Variants in TSPYL1 observed in about 807,000 individuals in gnomAD.
TSPYL1 encodes testis-specific Y-encoded-like protein 1.
In TSPYL1, 16 loss-of-function variants were observed where a neutral mutation model predicts 20.1. That is an observed-to-expected ratio of 0.80 (90% CI 0.54 to 1.21). TSPYL1 has a LOEUF of 1.21. Ranked by LOEUF, TSPYL1 falls within the 50% of genes most tolerant of loss-of-function variation. The pLI, the probability that TSPYL1 is intolerant of heterozygous loss-of-function variation, is 0.00. For synonymous variants in TSPYL1, 259 were observed against 227.1 expected, an observed-to-expected ratio of 1.14 and a Z score of -1.26; for missense variants, 560 against 569.3, an observed-to-expected ratio of 0.98 and a Z score of 0.17.
rs1421177678 is a variant in TSPYL1 at position 116,277,689 on chromosome 6, G to C, written c.*828C>G. On this transcript the variant is annotated 3_prime_UTR_variant, in exon 1 of 1. Transcript: ENST00000368608. ...GGAGGCTAAGGAGGGCGGATCACGAGATCGGGGTTCGAGACCAGCCTGGCC... is the reference window on the plus strand; with the variant it reads ...GGAGGCTAAGGAGGGCGGATCACGACATCGGGGTTCGAGACCAGCCTGGCC... The C allele has an allele frequency of 6.6e-6, 1 of 152,114 alleles. No individual in the cohort carries two copies. Among genetic ancestry groups the C allele is most frequent in the Non-Finnish European group, 1.5e-5 (1 of 68,048 alleles). 9.4% of individuals were successfully genotyped at this position (152,114 alleles called of 1,614,324 possible).
In TSPYL1 at chr6:116,278,249, C is replaced by T; in HGVS notation, c.*268G>A. The T allele has an allele frequency of 2.2e-6, 1 of 458,900 alleles. No homozygotes were observed. The highest frequency in any genetic ancestry group is 2.0e-5 in the African/African-American group (1 of 50,628). 28.4% of individuals were successfully genotyped at this position (458,900 alleles called of 1,614,324 possible). A position where few individuals can be genotyped will look rare whatever the true frequency, so the allele number is the denominator to read the frequency against. On this transcript the variant is annotated 3_prime_UTR_variant, in exon 1 of 1. Transcript: ENST00000368608. ...ATAAAGGCAGTACAATCTACAGTAT[C>T]ATTTGCTTGGCTTACAAGTAGTGTG...
chr6:116,279,030 C>T lies in TSPYL1; in HGVS notation c.801G>A (p.Arg267=). Residue 267 remains arginine, a synonymous_variant, in exon 1 of 1, where the codon CGG becomes CGA. Transcript: ENST00000368608. The stretch of plus-strand genomic sequence containing the variant: ...GGATATTCTGAATGATGTAGTTCCT[C>T]CGCTCCAGGTAGTGTCGACGCATCC... ...FGRMRRHYLE[R]RNYIIQNIPG... 6.2e-7 allele frequency: 1 copy of T among 1,613,906 alleles called. No individual in the cohort carries two copies. The highest frequency in any genetic ancestry group is 2.2e-5 in the East Asian group (1 of 44,872).
rs1205561412 is a variant in TSPYL1, at chr6:116,279,149, G to A, written c.682C>T (p.Arg228Cys). The A allele has an allele frequency of 6.2e-7, 1 of 1,613,942 alleles. No individual in the cohort carries two copies. The highest frequency in any genetic ancestry group is 2.2e-5 in the East Asian group (1 of 44,876). ...EGPWPLHEAL[R>C]MDPLEAIQLE... ...TGGATGGCCTCCAGAGGGTCCATGC[G>A]GAGAGCCTCATGCAAAGGCCAGGGC... The change falls in exon 1 of 1, where the codon CGC (arginine) becomes TGC (cysteine). Residue 228 changes from arginine (R) to cysteine (C), a missense_variant. Arg to Cys is a radical substitution (Grantham distance 180). Coordinates refer to ENST00000368608, the MANE Select transcript of TSPYL1 (RefSeq NM_003309.4).
chr6:116,278,396 G>A lies in TSPYL1; in HGVS notation c.*121C>T. The A allele has an allele frequency of 1.6e-6, 2 of 1,284,294 alleles. No homozygotes were observed. Among genetic ancestry groups the A allele is most frequent in the South Asian group, 2.5e-5 (2 of 79,702 alleles). 79.6% of individuals were successfully genotyped at this position (1,284,294 alleles called of 1,614,324 possible). A position where few individuals can be genotyped will look rare whatever the true frequency, so the allele number is the denominator to read the frequency against. The stretch of plus-strand genomic sequence containing the variant: ...AGAACTGAATATCCAAAGGAAACAG[G>A]GTGCAGAAAAGTCAGCAAAAACAAA... On this transcript the variant is annotated 3_prime_UTR_variant, in exon 1 of 1. Transcript: ENST00000368608.
rs1344528416 is a variant in TSPYL1 at position 116,279,190 on chromosome 6, G to GCCT, written c.638_640dup (p.Glu213dup). 1 of 1,611,074 alleles carries GCCT rather than the reference G, an allele frequency of 6.2e-7. No individual in the cohort carries two copies. The highest frequency in any genetic ancestry group is 1.1e-5 in the South Asian group (1 of 91,012). The stretch of plus-strand genomic sequence containing the variant: ...AGGCCAGGGCCCTTCTTCCTCCCTC[G>GCCT]CCTCCTCCTCCAATCTATCCTCCTC... On this transcript the variant is annotated inframe_insertion, in exon 1 of 1. Coordinates refer to ENST00000368608, the MANE Select transcript of TSPYL1 (RefSeq NM_003309.4).
At position 116,279,845 on chromosome 6, in the gene TSPYL1, G is replaced by A. The variant is rs762004086; in HGVS notation, c.-15C>T. On this transcript the variant is annotated 5_prime_UTR_variant, in exon 1 of 1. Transcript: ENST00000368608. ...AGGCCGCTCATGTTGCTAACAGTCG[G>A]ACCAACCGCAGGCGAACGCCCGTTT... 68 of 1,613,012 alleles carry A rather than the reference G, an allele frequency of 4.2e-5. No individual in the cohort carries two copies. The highest frequency in any genetic ancestry group is 3.3e-4 in the Middle Eastern group (2 of 6,062).
At position 116,278,287 on chromosome 6, in the gene TSPYL1, G is replaced by T; in HGVS notation, c.*230C>A. 1.8e-6 allele frequency: 1 copy of T among 554,844 alleles called. No individual in the cohort carries two copies. The highest frequency in any genetic ancestry group is 3.2e-6 in the Non-Finnish European group (1 of 308,534). 34.4% of individuals were successfully genotyped at this position (554,844 alleles called of 1,614,324 possible). A position where few individuals can be genotyped will look rare whatever the true frequency, so the allele number is the denominator to read the frequency against. On this transcript the variant is annotated 3_prime_UTR_variant, in exon 1 of 1. Coordinates refer to ENST00000368608, the MANE Select transcript of TSPYL1 (RefSeq NM_003309.4). ...TACAAGTAGTGTGAAGGATGACCTCGTAGCATGTGATATTCCAGAACAGCA... is the reference window on the plus strand; with the variant it reads ...TACAAGTAGTGTGAAGGATGACCTCTTAGCATGTGATATTCCAGAACAGCA...
Position 116,277,408 on chromosome 6 carries a change from G to A in TSPYL1, c.*1109C>T, listed in dbSNP as rs992131426. 1 of 152,652 alleles carries A rather than the reference G, an allele frequency of 6.6e-6. No individual in the cohort carries two copies. The highest frequency in any genetic ancestry group is 1.5e-5 in the Non-Finnish European group (1 of 68,078). The allele number at this position is 152,652 out of a possible 1,614,324, so 9.5% of individuals were successfully genotyped here. A position where few individuals can be genotyped will look rare whatever the true frequency, so the allele number is the denominator to read the frequency against. ...TAGGCCCAATTTTTACCTGGCCCAT[G>A]CCTCTAGCCTTTTGTTCAGTTTCTC... On this transcript the variant is annotated 3_prime_UTR_variant, in exon 1 of 1. Coordinates refer to ENST00000368608, the MANE Select transcript of TSPYL1 (RefSeq NM_003309.4).
rs1562198212 is a variant in TSPYL1 at position 116,279,255 on chromosome 6, T to C, written c.576A>G (p.Val192=). 10 of 1,607,984 alleles carry C rather than the reference T, an allele frequency of 6.2e-6. No individual in the cohort carries two copies. The highest frequency in any genetic ancestry group is 1.3e-5 in the African/African-American group (1 of 74,684). ...EKEVMEEQME[V]EEQPPEGEEI... ...CTTCACCTTCTGGCGGCTGCTCCTC[T>C]ACCTCCATCTGCTCCTCCATTACCT... is the stretch of plus-strand genomic sequence containing the variant. Residue 192 remains valine, a synonymous_variant, in exon 1 of 1, where the codon GTA becomes GTG. Coordinates refer to ENST00000368608, the MANE Select transcript of TSPYL1 (RefSeq NM_003309.4).
chr6:116,279,913 C>A lies in TSPYL1; in HGVS notation c.-83G>T. 6.3e-7 allele frequency: 1 copy of A among 1,579,914 alleles called. No individual in the cohort carries two copies. The highest frequency in any genetic ancestry group is 8.7e-7 in the Non-Finnish European group (1 of 1,150,338). ...GGGAGCTAACCGCCGCTCGCACCGC[C>A]CACCCTACAGTCTCACTAACATTTC... is the stretch of plus-strand genomic sequence containing the variant. On this transcript the variant is annotated 5_prime_UTR_variant, in exon 1 of 1. Transcript: ENST00000368608.
In TSPYL1 at chr6:116,278,126, C is replaced by A; in HGVS notation, c.*391G>T. On this transcript the variant is annotated 3_prime_UTR_variant, in exon 1 of 1. Transcript: ENST00000368608. ...GGGCATGTGCCCATACTGCTCAATG[C>A]AGAGCTGAGTAGGTGGAACAGGCTC... 3.4e-6 allele frequency: 1 copy of A among 294,732 alleles called. No individual in the cohort carries two copies. Among genetic ancestry groups the A allele is most frequent in the Non-Finnish European group, 6.7e-6 (1 of 149,214 alleles). 18.3% of individuals were successfully genotyped at this position (294,732 alleles called of 1,614,324 possible). A position where few individuals can be genotyped will look rare whatever the true frequency, so the allele number is the denominator to read the frequency against.
rs758399636 is a variant in TSPYL1 at position 116,279,212 on chromosome 6, C to T, written c.619G>A (p.Glu207Lys). ...PEGEEIEVAEEDRLEEEAREE... is the reference protein window; with the variant it reads ...PEGEEIEVAEKDRLEEEAREE... ...CTCGCCTCCTCCTCCAATCTATCCT[C>T]CTCCGCCACTTCTATTTCTTCACCT... The change falls in exon 1 of 1, where the codon GAG (glutamate) becomes AAG (lysine). Residue 207 changes from glutamate to lysine, a missense_variant. Coordinates refer to ENST00000368608, the MANE Select transcript of TSPYL1 (RefSeq NM_003309.4). 3.7e-6 allele frequency: 6 copies of T among 1,610,096 alleles called. No homozygotes were observed. The Admixed American group carries it at 5.0e-5, about 13-fold the overall frequency.
Position 116,278,432 on chromosome 6 carries a change from A to G in TSPYL1, c.*85T>C. On this transcript the variant is annotated 3_prime_UTR_variant, in exon 1 of 1. Coordinates refer to ENST00000368608, the MANE Select transcript of TSPYL1 (RefSeq NM_003309.4). ...GTCAGCAAAAACAAAGCACAATAGA[A>G]GGCATACTCATTGCTGATGCCCAAG... is the stretch of plus-strand genomic sequence containing the variant. 1 of 1,571,034 alleles carries G rather than the reference A, an allele frequency of 6.4e-7. No individual in the cohort carries two copies. Among genetic ancestry groups the G allele is most frequent in the Non-Finnish European group, 8.7e-7 (1 of 1,143,720 alleles).
At position 116,275,435 on chromosome 6, in the gene TSPYL1, G is replaced by T. The variant is rs534722550; in HGVS notation, c.*3082C>A. ...GCTCATTAAATCTTTCTGAGAACTA[G>T]GTTATTTTGTTCTTTTTCCTCCATC... On this transcript the variant is annotated 3_prime_UTR_variant, in exon 1 of 1. Coordinates refer to ENST00000368608, the MANE Select transcript of TSPYL1 (RefSeq NM_003309.4). Among the ~76,000 whole-genome samples the T allele has an allele frequency of 6.6e-6, 1 of 152,300 alleles. No homozygotes were observed. Among genetic ancestry groups the T allele is most frequent in the African/African-American group, 2.4e-5 (1 of 41,560 alleles).
rs1199348152 is a variant in TSPYL1 at position 116,279,150 on chromosome 6, G to C, written c.681C>G (p.Leu227=). The change falls in exon 1 of 1, where the codon CTC becomes CTG. Residue 227 remains leucine, a synonymous_variant. Coordinates refer to ENST00000368608, the MANE Select transcript of TSPYL1 (RefSeq NM_003309.4). Reference sequence around the variant, plus strand: ...GGATGGCCTCCAGAGGGTCCATGCGGAGAGCCTCATGCAAAGGCCAGGGCC... The same window carrying C: ...GGATGGCCTCCAGAGGGTCCATGCGCAGAGCCTCATGCAAAGGCCAGGGCC... ...EEGPWPLHEA[L]RMDPLEAIQL... 6.2e-7 allele frequency: 1 copy of C among 1,613,804 alleles called. No individual in the cohort carries two copies. Among genetic ancestry groups the C allele is most frequent in the Non-Finnish European group, 8.5e-7 (1 of 1,180,018 alleles).
chr6:116,279,735 C>G lies in TSPYL1; in HGVS notation c.96G>C (p.Gln32His). The G allele has an allele frequency of 6.2e-7, 1 of 1,611,874 alleles. No individual in the cohort carries two copies. Among genetic ancestry groups the G allele is most frequent in the Non-Finnish European group, 8.5e-7 (1 of 1,180,022 alleles). The change falls in exon 1 of 1, where the codon CAG (glutamine) becomes CAC (histidine). Residue 32 changes from glutamine to histidine, a missense_variant. Physicochemically the swap from Gln to His is conservative, Grantham distance 24. Transcript: ENST00000368608. ...DQVPSDQDAHQYLRLRDQSEA... is the reference protein window; with the variant it reads ...DQVPSDQDAHHYLRLRDQSEA... Reference sequence around the variant, plus strand: ...CGCTTTGGTCGCGGAGCCTCAGGTACTGGTGTGCGTCCTGGTCGCTCGGGA... The same window carrying G: ...CGCTTTGGTCGCGGAGCCTCAGGTAGTGGTGTGCGTCCTGGTCGCTCGGGA...
Position 116,279,906 on chromosome 6 carries a change from G to T in TSPYL1, c.-76C>A. On this transcript the variant is annotated 5_prime_UTR_variant, in exon 1 of 1. Transcript: ENST00000368608. ...CCGAACTGGGAGCTAACCGCCGCTCGCACCGCCCACCCTACAGTCTCACTA... is the reference window on the plus strand; with the variant it reads ...CCGAACTGGGAGCTAACCGCCGCTCTCACCGCCCACCCTACAGTCTCACTA... 2 of 1,588,670 alleles carry T rather than the reference G, an allele frequency of 1.3e-6. No individual in the cohort carries two copies. The highest frequency in any genetic ancestry group is 1.1e-5 in the South Asian group (1 of 90,256).
In TSPYL1 at chr6:116,279,184, T is replaced by G. The variant is rs753490319; in HGVS notation, c.647A>C (p.Glu216Ala). Residue 216 changes from glutamate (E) to alanine (A), a missense_variant, in exon 1 of 1, where the codon GAG (glutamate) becomes GCG (alanine). Coordinates refer to ENST00000368608, the MANE Select transcript of TSPYL1 (RefSeq NM_003309.4). ...EEDRLEEEAR[E>A]EEGPWPLHEA... ...ATGCAAAGGCCAGGGCCCTTCTTCC[T>G]CCCTCGCCTCCTCCTCCAATCTATC... 40 of 1,611,874 alleles carry G rather than the reference T, an allele frequency of 2.5e-5. No homozygotes were observed. In the South Asian group the frequency reaches 4.3e-4, roughly 17 times the overall value.
chr6:116,278,946 G>T lies in TSPYL1; in HGVS notation c.885C>A (p.Gly295=). The T allele has an allele frequency of 6.2e-7, 1 of 1,614,010 alleles. No homozygotes were observed. Among genetic ancestry groups the T allele is most frequent in the Non-Finnish European group, 8.5e-7 (1 of 1,179,990 alleles). The change falls in exon 1 of 1, where the codon GGC becomes GGA. Residue 295 remains glycine, a synonymous_variant. Coordinates refer to ENST00000368608, the MANE Select transcript of TSPYL1 (RefSeq NM_003309.4). The stretch of plus-strand genomic sequence containing the variant: ...TGTACCTTAACATCTCTGCATCTTG[G>T]CCCCTAATCATGGCGGACAACTGGG... ...NHPQLSAMIR[G]QDAEMLRYIT...
Sources: allele counts gnomAD v4.1 joint callset (sites outside exome capture counted in the v4.1 genomes callset), GRCh38; gene constraint gnomAD v4.1.1; transcripts MANE v1.5; gene names NCBI Gene and HGNC (gene_info 2026-07-23, HGNC 2026-07-21).